IMMP1L: variants seen among roughly 807,000 people sequenced by gnomAD.
IMMP1L encodes inner mitochondrial membrane peptidase subunit 1.
IMMP1L carries 24 observed loss-of-function variants against 21.8 expected under a neutral mutation model. That is an observed-to-expected ratio of 1.10 (90% CI 0.80 to 1.55). IMMP1L has a LOEUF of 1.55. IMMP1L is among the 40% of genes most tolerant of loss of function. The pLI, the probability that IMMP1L is intolerant of heterozygous loss-of-function variation, is 0.00. For synonymous variants in IMMP1L, 46 were observed against 62.8 expected (o/e 0.73, Z 1.26); for missense variants, 195 against 200.7 (o/e 0.97, Z 0.17).
intron 1 of IMMP1L, among the ~76,000 whole-genome samples, chr11:31,507,977 A>T (rs1209374925): frequency 6.6e-6 from 1 of 152,126 alleles, no homozygotes; most frequent in Non-Finnish European, 1.5e-5. Context: ...TATATGTAGC[A>T]TTTCAAAAAG....
chr11:31,433,474 G>T lies in IMMP1L; in HGVS notation c.418C>A (p.Arg140=). The T allele has an allele frequency of 6.4e-7, 1 of 1,569,664 alleles. No individual in the cohort carries two copies. The highest frequency in any genetic ancestry group is 8.7e-7 in the Non-Finnish European group (1 of 1,152,182). ...GAAAATGGTACCTTAAAGAAGATTC[G>T]TCCTCTTATTAGTCCATATGGAATA... is the stretch of plus-strand genomic sequence containing the variant. ...GPIPYGLIRG[R]IFFKIWPLSD... The change falls in exon 5 of 6, where the codon CGA becomes AGA. Residue 140 remains arginine, a synonymous_variant. Transcript: ENST00000532287.
intron 1 of IMMP1L, among the ~76,000 whole-genome samples, chr11:31,483,947 CT>C (rs1041651367): frequency 3.3e-5 from 5 of 151,632 alleles, no homozygotes; most frequent in African/African-American, 9.7e-5. Context: ...ATTTATAATA[CT>C]TTTTTTCTTA....
At chr11:31,433,103 A>G (rs1221833085) in intron 5 of IMMP1L, among the ~76,000 whole-genome samples, 1 of 152,224 alleles carries the variant, frequency 6.6e-6, no homozygotes, top group Non-Finnish European at 1.5e-5. Context: ...TCCCTACTTT[A>G]CAGGTAGTTT....
At chr11:31,452,250 A>G (rs942959464) in intron 4 of IMMP1L, 7 of 984,846 alleles carry the variant, frequency 7.1e-6, no homozygotes, top group Admixed American at 6.1e-5. Context: ...ATATTTCAAA[A>G]TGCCTATTTC....
At chr11:31,501,267 C>G (rs1283432461) in intron 1 of IMMP1L, among the ~76,000 whole-genome samples, 1 of 152,120 alleles carries the variant, frequency 6.6e-6, no homozygotes, top group African/African-American at 2.4e-5. Context: ...CTGAATGTGT[C>G]CCCCAAAAAG....
intron 4 of IMMP1L, chr11:31,452,186 T>C: frequency 2.1e-6 from 2 of 973,182 alleles, no homozygotes; most frequent in Non-Finnish European, 2.4e-6. Context: ...TGTGGTGTCA[T>C]GGGAGTTTGT....
At chr11:31,465,422 A>T in intron 1 of IMMP1L, among the ~76,000 whole-genome samples, 1 of 152,082 alleles carries the variant, frequency 6.6e-6, no homozygotes, top group Non-Finnish European at 1.5e-5. Context: ...AATATACCAA[A>T]GTCATTTTTC....
rs1463639558 is a variant in IMMP1L at position 31,509,541 on chromosome 11, A to G, written c.-52T>C. The G allele has an allele frequency of 9.1e-5, 51 of 563,062 alleles. No individual in the cohort carries two copies. The South Asian group carries it at 1.1e-3, about 12-fold the overall frequency. 34.9% of individuals were successfully genotyped at this position (563,062 alleles called of 1,614,324 possible). On this transcript the variant is annotated 5_prime_UTR_variant, in exon 1 of 6. Coordinates refer to ENST00000532287, the MANE Select transcript of IMMP1L (RefSeq NM_001304274.2). ...TACCTCGGGCCCCAAAGAACCCTGG[A>G]GACCCTCAACCAGGACACAGGTGGG...
chr11:31,487,403 G>A (rs1459361474), intron 1 of IMMP1L, among the ~76,000 whole-genome samples: 1 of 152,010 alleles, frequency 6.6e-6, no homozygotes, highest in Non-Finnish European at 1.5e-5. Flanking sequence ...AATAATTTGA[G>A]GCATGCTGCA....
chr11:31,450,695 C>T (rs960241018), intron 4 of IMMP1L, among the ~76,000 whole-genome samples: 2 of 152,116 alleles, frequency 1.3e-5, no homozygotes, highest in African/African-American at 4.8e-5. Flanking sequence ...TTGGGCAGTT[C>T]AGCAGCGTGG....
At chr11:31,478,885 CTA>C (rs1954804144) in intron 1 of IMMP1L, among the ~76,000 whole-genome samples, 1 of 152,002 alleles carries the variant, frequency 6.6e-6, no homozygotes, top group East Asian at 1.9e-4. Context: ...TAATTCTTAA[CTA>C]TATGTTTTTA....
intron 1 of IMMP1L, among the ~76,000 whole-genome samples, chr11:31,489,311 T>G (rs1473883396): frequency 6.6e-6 from 1 of 152,198 alleles, no homozygotes; most frequent in African/African-American, 2.4e-5. Flanking sequence ...TATATGCATA[T>G]TCACTTTTAA....
intron 1 of IMMP1L, among the ~76,000 whole-genome samples, chr11:31,493,693 A>G (rs1955330981): frequency 6.6e-6 from 1 of 152,168 alleles, no homozygotes; most frequent in South Asian, 2.1e-4. Context: ...AGCCTACAAA[A>G]TCAAAAGTAA....
chr11:31,437,569 G>A (rs1953168340), intron 4 of IMMP1L, among the ~76,000 whole-genome samples: 1 of 150,036 alleles, frequency 6.7e-6, no homozygotes, highest in Non-Finnish European at 1.5e-5. Context: ...GGAAAAGAGT[G>A]AGAACTTTAT....
At chr11:31,445,459 A>C (rs991070959) in intron 4 of IMMP1L, among the ~76,000 whole-genome samples, 2 of 152,240 alleles carry the variant, frequency 1.3e-5, no homozygotes, top group Non-Finnish European at 2.9e-5. Context: ...TATATCTGAA[A>C]GGGTATTAGA....
At chr11:31,476,865 A>G (rs1457594677) in intron 1 of IMMP1L, among the ~76,000 whole-genome samples, 2 of 152,160 alleles carry the variant, frequency 1.3e-5, no homozygotes, top group East Asian at 3.8e-4. Flanking sequence ...AAAGTACTTG[A>G]TAAAGTTTTT....
chr11:31,495,110 C>A (rs1295089145), intron 1 of IMMP1L, among the ~76,000 whole-genome samples: 1 of 152,210 alleles, frequency 6.6e-6, no homozygotes, highest in Non-Finnish European at 1.5e-5. Context: ...GCAGAGTTAC[C>A]TTTGCTCCAG....
At chr11:31,479,631 C>A (rs1242216740) in intron 1 of IMMP1L, among the ~76,000 whole-genome samples, 2 of 152,026 alleles carry the variant, frequency 1.3e-5, no homozygotes, top group African/African-American at 2.4e-5. Flanking sequence ...AAGTATTAAA[C>A]ACACATTGGA....
chr11:31,440,388 A>T (rs1285480064), intron 4 of IMMP1L, among the ~76,000 whole-genome samples: 4 of 151,912 alleles, frequency 2.6e-5, no homozygotes, highest in Non-Finnish European at 5.9e-5. Context: ...TACATAATTT[A>T]AAAAAAACTT....
Sources: allele counts gnomAD v4.1 joint callset (sites outside exome capture counted in the v4.1 genomes callset), GRCh38; gene constraint gnomAD v4.1.1; transcripts MANE v1.5; gene names NCBI Gene and HGNC (gene_info 2026-07-23, HGNC 2026-07-21).